The following CADM1 variants were observed in gnomAD, a reference collection of about 807,000 sequenced individuals.
CADM1 encodes the protein TSLC-1.
In CADM1, 15 loss-of-function variants were observed where a neutral mutation model predicts 53.1. The observed-to-expected ratio is 0.28, with a 90% confidence interval of 0.19 to 0.44. The LOEUF (loss-of-function observed/expected upper bound fraction) is 0.44, where lower values mean the gene tolerates loss of function less well. Ranked by LOEUF, CADM1 falls within the 20% of genes least tolerant of loss-of-function variation. The pLI is 1.00. For synonymous variants in CADM1, 281 were observed against 243.0 expected (o/e 1.16, Z -1.45); for missense variants, 434 against 611.3 (o/e 0.71, Z 3.06).
At chr11:115,428,402 T>C (rs1433874254) in intron 1 of CADM1, among the ~76,000 whole-genome samples, 1 of 152,072 alleles carries the variant, frequency 6.6e-6, no homozygotes, top group African/African-American at 2.4e-5. Context: ...AGGAAATATA[T>C]AAATGGGACT....
intron 1 of CADM1, among the ~76,000 whole-genome samples, chr11:115,292,046 T>C (rs1337184898): frequency 6.7e-6 from 1 of 149,004 alleles, no homozygotes; most frequent in Non-Finnish European, 1.5e-5. Flanking sequence ...CACCTAAGAA[T>C]AATGAAGACT....
chr11:115,311,563 T>A (rs2135163370), intron 1 of CADM1, among the ~76,000 whole-genome samples: 1 of 152,184 alleles, frequency 6.6e-6, no homozygotes, highest in African/African-American at 2.4e-5. Flanking sequence ...AAAATCCAGG[T>A]ATAAATGGAC....
intron 1 of CADM1, among the ~76,000 whole-genome samples, chr11:115,369,026 TAAAAAAAAAAAAA>T (rs552309443): frequency 1.9e-3 from 83 of 44,750 alleles, no homozygotes; most frequent in African/African-American, 6.4e-3. Context: ...AAAAAAAATC[TAAAAAAAAAAAAA>T]AAAAAAAAAA....
At chr11:115,322,737 A>T (rs1418548046) in intron 1 of CADM1, among the ~76,000 whole-genome samples, 1 of 152,184 alleles carries the variant, frequency 6.6e-6, no homozygotes, top group African/African-American at 2.4e-5. Flanking sequence ...ATGTATCAGT[A>T]CTTCATTCTG....
At chr11:115,316,219 A>C (rs952700633) in intron 1 of CADM1, among the ~76,000 whole-genome samples, 22 of 152,328 alleles carry the variant, frequency 1.4e-4, no homozygotes, top group African/African-American at 4.3e-4. Context: ...ATTTAGGGTC[A>C]GCAATTACCT....
At chr11:115,192,779 A>T (rs1235832084) in intron 9 of CADM1, among the ~76,000 whole-genome samples, 1 of 152,240 alleles carries the variant, frequency 6.6e-6, no homozygotes, top group South Asian at 2.1e-4. Flanking sequence ...TGTTTATGAA[A>T]TATCATTGAT....
At chr11:115,458,868 A>T (rs919448260) in intron 1 of CADM1, among the ~76,000 whole-genome samples, 4 of 152,170 alleles carry the variant, frequency 2.6e-5, no homozygotes. Flanking sequence ...CCTCACAAAG[A>T]TCTAATAGAT....
At chr11:115,479,533 A>G (rs1162512506) in intron 1 of CADM1, among the ~76,000 whole-genome samples, 1 of 152,164 alleles carries the variant, frequency 6.6e-6, no homozygotes, top group Non-Finnish European at 1.5e-5. Context: ...AAATACAAAA[A>G]GTCATGACAT....
chr11:115,308,135 C>CTGTG (rs1491046249), intron 1 of CADM1, among the ~76,000 whole-genome samples: 1 of 85,944 alleles, frequency 1.2e-5, no homozygotes, highest in Non-Finnish European at 2.2e-5. Flanking sequence ...GACACAAACT[C>CTGTG]TCTCTCTGTG....
chr11:115,295,583 CACAT>C (rs1269531261), intron 1 of CADM1, among the ~76,000 whole-genome samples: 1 of 142,414 alleles, frequency 7.0e-6, no homozygotes, highest in Admixed American at 7.1e-5. Context: ...ATAATATACA[CACAT>C]ATATAAATTC....
In CADM1 at chr11:115,240,391, C is replaced by A. The variant is rs1024960484; in HGVS notation, c.154G>T (p.Val52Leu). 2.5e-6 allele frequency: 4 copies of A among 1,613,550 alleles called. No individual in the cohort carries two copies. Among genetic ancestry groups the A allele is most frequent in the Non-Finnish European group, 2.5e-6 (3 of 1,179,798 alleles). Residue 52 changes from valine (V) to leucine (L), a missense_variant, in exon 2 of 12, where the codon GTG becomes TTG. Val to Leu is a conservative substitution (Grantham distance 32). Coordinates refer to ENST00000331581, the MANE Select transcript of CADM1 (RefSeq NM_001301043.2). Reference sequence around the variant, plus strand: ...GCAACCTCTCCCTCGATCACTGTCACGTCTTTCGTAAACAGATTCTGCCCA... The same window carrying A: ...GCAACCTCTCCCTCGATCACTGTCAAGTCTTTCGTAAACAGATTCTGCCCA... The part of the protein sequence containing the change: ...GDGQNLFTKD[V>L]TVIEGEVATI...
chr11:115,382,636 A>C (rs1946606716), intron 1 of CADM1, among the ~76,000 whole-genome samples: 1 of 152,098 alleles, frequency 6.6e-6, no homozygotes. Flanking sequence ...TTTTATGTTA[A>C]ATCTTCTCTT....
intron 5 of CADM1, among the ~76,000 whole-genome samples, chr11:115,220,631 T>C (rs1287218500): frequency 2.0e-5 from 3 of 152,304 alleles, no homozygotes; most frequent in African/African-American, 7.2e-5. Flanking sequence ...GCAGTATTTA[T>C]AGGCATATTA....
chr11:115,438,572 T>A (rs1948236204), intron 1 of CADM1, among the ~76,000 whole-genome samples: 1 of 152,186 alleles, frequency 6.6e-6, no homozygotes. Flanking sequence ...GTCTAACTTA[T>A]TTTCATAGCT....
chr11:115,181,222 C>T (rs1314550269), intron 10 of CADM1, among the ~76,000 whole-genome samples: 2 of 152,026 alleles, frequency 1.3e-5, no homozygotes, highest in African/African-American at 4.8e-5. Context: ...AAAACAAAAA[C>T]CTCCCTCAAA....
intron 1 of CADM1, among the ~76,000 whole-genome samples, chr11:115,319,274 A>C (rs1944758646): frequency 6.6e-6 from 1 of 152,158 alleles, no homozygotes; most frequent in South Asian, 2.1e-4. Context: ...TGCCAAAAGC[A>C]GCTCTTCTTT....
At chr11:115,218,169 T>C (rs375430998) in intron 5 of CADM1, 178 bp from the exon 6 acceptor site, 4 of 636,528 alleles carry the variant, frequency 6.3e-6, no homozygotes, top group Middle Eastern at 4.9e-4. Flanking sequence ...AATTGACTAA[T>C]AACTCTAAGG....
At chr11:115,459,036 G>A (rs758903500) in intron 1 of CADM1, among the ~76,000 whole-genome samples, 20 of 152,116 alleles carry the variant, frequency 1.3e-4, no homozygotes, top group South Asian at 2.1e-4. Flanking sequence ...ACATGTGCAT[G>A]GATTCATGAT....
intron 1 of CADM1, among the ~76,000 whole-genome samples, chr11:115,274,780 G>A (rs1943398293): frequency 1.3e-5 from 2 of 152,092 alleles, no homozygotes; most frequent in East Asian, 1.9e-4. Flanking sequence ...GGTATTTCTT[G>A]GGTGGGGTGG....
Sources: gnomAD v4.1 joint callset for allele counts (sites outside exome capture counted in the v4.1 genomes callset) on GRCh38, gnomAD v4.1.1 for gene constraint, MANE v1.5 for transcripts, NCBI Gene and HGNC (gene_info 2026-07-23, HGNC 2026-07-21) for gene names.